Variants in KCNK3 observed in about 807,000 individuals in gnomAD.
KCNK3 encodes the protein potassium two pore domain channel subfamily K member 3.
Under a neutral mutation model 27.3 loss-of-function variants are expected in KCNK3, and 9 were observed. That is an observed-to-expected ratio of 0.33 (90% CI 0.20 to 0.57). KCNK3 has a LOEUF of 0.57. Ranked by LOEUF, KCNK3 falls within the 20% of genes least tolerant of loss-of-function variation. The pLI, the probability that KCNK3 is intolerant of heterozygous loss-of-function variation, is 0.87. For synonymous variants in KCNK3, 278 were observed against 273.8 expected (o/e 1.02, Z -0.15); for missense variants, 391 against 577.7 (o/e 0.68, Z 3.31).
At chr2:26,696,572 G>C (rs952061170) in intron 1 of KCNK3, among the ~76,000 whole-genome samples, 1 of 152,212 alleles carries the variant, frequency 6.6e-6, no homozygotes, top group African/African-American at 2.4e-5. Context: ...CCACTGGCTG[G>C]AAGGATTCCT....
At chr2:26,705,170 G>T (rs1411584690) in intron 1 of KCNK3, among the ~76,000 whole-genome samples, 2 of 152,086 alleles carry the variant, frequency 1.3e-5, no homozygotes, top group Non-Finnish European at 2.9e-5. Flanking sequence ...TTTCTATGTT[G>T]CCCAAGCTGG....
At position 26,732,161 on chromosome 2, in the gene KCNK3, G is replaced by T. The variant is rs115358438; in HGVS notation, c.*3593G>T. The T allele has an allele frequency of 0.016, 2,380 of 151,994 alleles. 29 individuals are homozygous for T. The highest frequency in any genetic ancestry group is 0.026 in the Non-Finnish European group (1,788 of 68,044). The allele number at this position is 151,994 out of a possible 1,614,324, so 9.4% of individuals were successfully genotyped here. On this transcript the variant is annotated 3_prime_UTR_variant, in exon 2 of 2. Coordinates refer to ENST00000302909, the MANE Select transcript of KCNK3 (RefSeq NM_002246.3). ...TTATCCATCTGGTGCCAGCTCCCCA[G>T]GTCAGCTACAGCGACCCCCGGACTT...
intron 1 of KCNK3, among the ~76,000 whole-genome samples, chr2:26,704,748 G>T (rs1670351358): frequency 6.6e-6 from 1 of 152,228 alleles, no homozygotes; most frequent in South Asian, 2.1e-4. Context: ...TCCAGGCAGG[G>T]CAAGCCTCCG....
At chr2:26,718,925 A>T (rs1391864926) in intron 1 of KCNK3, among the ~76,000 whole-genome samples, 2 of 152,178 alleles carry the variant, frequency 1.3e-5, no homozygotes, top group Non-Finnish European at 2.9e-5. Flanking sequence ...TCATATTTTC[A>T]TATTAGCGTG....
At chr2:26,720,863 C>A (rs1663316381) in intron 1 of KCNK3, among the ~76,000 whole-genome samples, 1 of 152,154 alleles carries the variant, frequency 6.6e-6, no homozygotes, top group African/African-American at 2.4e-5. Flanking sequence ...CTCCAGATCC[C>A]ATTCTGTACA....
intron 1 of KCNK3, among the ~76,000 whole-genome samples, chr2:26,708,955 G>C (rs1303598671): frequency 6.6e-6 from 1 of 152,202 alleles, no homozygotes; most frequent in Non-Finnish European, 1.5e-5. Flanking sequence ...TGGGTGGATT[G>C]AGCTATGTTT....
At position 26,733,319 on chromosome 2, in the gene KCNK3, G is replaced by A. The variant is rs1345080; in HGVS notation, c.*4751G>A. On this transcript the variant is annotated 3_prime_UTR_variant, in exon 2 of 2. Coordinates refer to ENST00000302909, the MANE Select transcript of KCNK3 (RefSeq NM_002246.3). ...GTATGCCTCGTGGAAAAAATGGTTCGTTGGTCAAATGAATTTGGGAAAATG... is the reference window on the plus strand; with the variant it reads ...GTATGCCTCGTGGAAAAAATGGTTCATTGGTCAAATGAATTTGGGAAAATG... 147,769 of 152,326 alleles carry A rather than the reference G, an allele frequency of 0.97. 71,832 individuals are homozygous for A. Among genetic ancestry groups the A allele is most frequent in the East Asian group, 1 (5,192 of 5,192 alleles). 9.4% of individuals were successfully genotyped at this position (152,326 alleles called of 1,614,324 possible).
At chr2:26,706,414 T>G (rs13394970) in intron 1 of KCNK3, among the ~76,000 whole-genome samples, 87,616 of 151,932 alleles carry the variant, frequency 0.58, 25,758 homozygotes, top group Admixed American at 0.69. Flanking sequence ...CCAGGGAAGG[T>G]GGTCAGCCCA....
chr2:26,725,009 T>C (rs1663388700), intron 1 of KCNK3, among the ~76,000 whole-genome samples: 1 of 152,050 alleles, frequency 6.6e-6, no homozygotes, highest in Admixed American at 6.5e-5. Flanking sequence ...GGGCGCTTTG[T>C]GAGCACAGTC....
chr2:26,705,553 C>T lies in KCNK3; in HGVS notation c.283+12395C>T, dbSNP rs531236033. The stretch of plus-strand genomic sequence containing the variant: ...TCCCAACCTTAACACCTAGCTTCTC[C>T]CCGACCCACCCCAACCACAAGTGCC... On this transcript the variant is annotated intron_variant, in intron 1 of 1. Transcript: ENST00000302909. Among the ~76,000 whole-genome samples, 4 of 152,270 alleles carry T rather than the reference C, an allele frequency of 2.6e-5. No homozygotes were observed. The South Asian group carries it at 8.3e-4, about 32-fold the overall frequency.
chr2:26,701,459 T>C (rs1670307166), intron 1 of KCNK3, among the ~76,000 whole-genome samples: 1 of 152,074 alleles, frequency 6.6e-6, no homozygotes, highest in Admixed American at 6.6e-5. Flanking sequence ...GGACCACTGG[T>C]CCTCAGTTGT....
chr2:26,699,454 A>G (rs1051470809), intron 1 of KCNK3, among the ~76,000 whole-genome samples: 3 of 152,216 alleles, frequency 2.0e-5, no homozygotes. Flanking sequence ...GACAGGACAA[A>G]CACAATAAGT....
At chr2:26,708,199 A>C (rs1438208635) in intron 1 of KCNK3, among the ~76,000 whole-genome samples, 7 of 152,214 alleles carry the variant, frequency 4.6e-5, no homozygotes, top group Admixed American at 4.6e-4. Context: ...TGTAGAAGGC[A>C]GAGGTGGGAG....
intron 1 of KCNK3, among the ~76,000 whole-genome samples, chr2:26,701,724 G>C (rs147599317): frequency 9.1e-4 from 138 of 152,334 alleles, no homozygotes; most frequent in South Asian, 5.6e-3. Context: ...GGGATCACTT[G>C]AGGTCAAAAG....
At chr2:26,706,306 G>A (rs1402820521) in intron 1 of KCNK3, among the ~76,000 whole-genome samples, 3 of 152,182 alleles carry the variant, frequency 2.0e-5, no homozygotes, top group African/African-American at 4.8e-5. Context: ...CCCCAGAGGA[G>A]GAGCTGGAGA....
chr2:26,693,307 G>A lies in KCNK3; in HGVS notation c.283+149G>A. 1 of 793,846 alleles carries A rather than the reference G, an allele frequency of 1.3e-6. No homozygotes were observed. The highest frequency in any genetic ancestry group is 1.8e-6 in the Non-Finnish European group (1 of 542,914). 49.2% of individuals were successfully genotyped at this position (793,846 alleles called of 1,614,324 possible). A position where few individuals can be genotyped will look rare whatever the true frequency, so the allele number is the denominator to read the frequency against. On this transcript the variant is annotated intron_variant, in intron 1 of 1. Coordinates refer to ENST00000302909, the MANE Select transcript of KCNK3 (RefSeq NM_002246.3). This position sits in a 1 kb window ranked among gnomAD's most constrained non-coding sequence, Gnocchi z 5.5. ...GCTCGCAGAAACCCGAGTTCAGCCT[G>A]GCGTGTGTGCTCCGCGGGGACGGAA...
chr2:26,709,327 G>C lies in KCNK3; in HGVS notation c.283+16169G>C, dbSNP rs76378576. ...GCGCCAGATGAGATCAGCTGGGAAG[G>C]GGGTAGAGCTGGCAAGAAGAGCAGA... On this transcript the variant is annotated intron_variant, in intron 1 of 1. Transcript: ENST00000302909. Among the ~76,000 whole-genome samples, 994 of 152,306 alleles carry C rather than the reference G, an allele frequency of 6.5e-3. 9 individuals are homozygous for C. The highest frequency in any genetic ancestry group is 0.012 in the Non-Finnish European group (784 of 68,026).
At chr2:26,714,546 G>A (rs1477236921) in intron 1 of KCNK3, among the ~76,000 whole-genome samples, 1 of 2,408 alleles carries the variant, frequency 4.2e-4, no homozygotes, top group Non-Finnish European at 7.7e-4. Flanking sequence ...GAGAGCACCC[G>A]CCTGCCTGTC....
intron 1 of KCNK3, among the ~76,000 whole-genome samples, chr2:26,708,687 A>T (rs1663039913): frequency 6.6e-6 from 1 of 152,312 alleles, no homozygotes; most frequent in Non-Finnish European, 1.5e-5. Context: ...TCTCAAAAAT[A>T]AAAAAATAAA....
Sources: allele counts gnomAD v4.1 joint callset (sites outside exome capture counted in the v4.1 genomes callset), GRCh38; gene constraint gnomAD v4.1.1; non-coding constraint Gnocchi (gnomAD v3.1); transcripts MANE v1.5; gene names NCBI Gene and HGNC (gene_info 2026-07-23, HGNC 2026-07-21).